The following LRBA variants were observed in gnomAD, a reference collection of about 807,000 sequenced individuals.
The protein encoded by LRBA is lipopolysaccharide-responsive and beige-like anchor protein.
Under a neutral mutation model 330.0 loss-of-function variants are expected in LRBA, and 176 were observed. The ratio of observed to expected loss-of-function variants is 0.53; its 90% CI spans 0.47 to 0.60. The LOEUF is 0.60. LRBA is among the 20% of genes least tolerant of loss of function. The probability of loss-of-function intolerance (pLI) is 0.00; values close to 1 mark genes in which losing one functional copy is unlikely to be tolerated. For missense variants in LRBA, 3,259 were observed against 3,444.8 expected (o/e 0.95, Z 1.35); for synonymous variants, 1,230 against 1,193.0 (o/e 1.03, Z -0.64).
In LRBA at chr4:150,808,804, G is replaced by A. The variant is rs75301201; in HGVS notation, c.5306-406C>T. Among the ~76,000 whole-genome samples the A allele has an allele frequency of 4.6e-3, 700 of 152,236 alleles. 6 individuals are homozygous for A. Among genetic ancestry groups the A allele is most frequent in the African/African-American group, 0.016 (667 of 41,538 alleles). On this transcript the variant is annotated intron_variant, in intron 31 of 56. Coordinates refer to ENST00000651943, the MANE Select transcript of LRBA (RefSeq NM_001364905.1). Reference sequence around the variant, plus strand: ...ACCTCCATTACCATGAAAACTATCCGTATTCAGTTATCAAATCACTACTAA... The same window carrying A: ...ACCTCCATTACCATGAAAACTATCCATATTCAGTTATCAAATCACTACTAA...
intron 47 of LRBA, among the ~76,000 whole-genome samples, chr4:150,380,636 G>A (rs1384779771): frequency 6.6e-6 from 1 of 151,968 alleles, no homozygotes; most frequent in Non-Finnish European, 1.5e-5. Context: ...AGGAAAAGAA[G>A]ATGTCTACTT....
intron 40 of LRBA, among the ~76,000 whole-genome samples, chr4:150,492,165 T>G (rs1262131466): frequency 2.7e-5 from 3 of 110,422 alleles, no homozygotes; most frequent in African/African-American, 8.0e-5. Flanking sequence ...GTGCAGAATG[T>G]AGTTTTTTTG....
At chr4:150,291,045 C>T (rs1247272668) in intron 53 of LRBA, among the ~76,000 whole-genome samples, 6 of 150,112 alleles carry the variant, frequency 4.0e-5, no homozygotes, top group Admixed American at 2.0e-4. Flanking sequence ...CATGCTGGTG[C>T]GCTGCACCCA....
At chr4:150,597,325 T>C (rs1773612121) in intron 38 of LRBA, among the ~76,000 whole-genome samples, 1 of 152,018 alleles carries the variant, frequency 6.6e-6, no homozygotes, top group Non-Finnish European at 1.5e-5. Flanking sequence ...TTAAAATTTA[T>C]TCATTAAAAA....
chr4:150,620,086 C>T lies in LRBA; in HGVS notation c.5922-20955G>A, dbSNP rs565582026. Among the ~76,000 whole-genome samples the T allele has an allele frequency of 6.6e-5, 10 of 152,122 alleles. No homozygotes were observed. In the South Asian group the frequency reaches 1.0e-3, roughly 16 times the overall value. ...ACATATTAAATACCTAGATTAAAAA[C>T]GTTAATGTTTCGTTAATGGATCAAA... On this transcript the variant is annotated intron_variant, in intron 37 of 56. Transcript: ENST00000651943.
chr4:150,607,479 G>A (rs984131449), intron 37 of LRBA, among the ~76,000 whole-genome samples: 2 of 151,508 alleles, frequency 1.3e-5, no homozygotes, highest in Non-Finnish European at 1.5e-5. Context: ...AATAAATACA[G>A]GTTAAACAGG....
chr4:150,678,418 G>C (rs1302792045), intron 37 of LRBA, among the ~76,000 whole-genome samples: 3 of 151,982 alleles, frequency 2.0e-5, no homozygotes, highest in African/African-American at 7.3e-5. Context: ...ATGCCTCTGT[G>C]GTAGAGACAG....
At position 150,599,150 on chromosome 4, in the gene LRBA, G is replaced by C; in HGVS notation, c.5922-19C>G. On this transcript the variant is annotated intron_variant, in intron 37 of 56. Transcript: ENST00000651943. ...AGGACGACTACAATGAAACAGAGAA[G>C]CCACATATGTTAGCAATTATCAAAC... is the stretch of plus-strand genomic sequence containing the variant. The C allele has an allele frequency of 6.2e-7, 1 of 1,612,860 alleles. No homozygotes were observed. The highest frequency in any genetic ancestry group is 8.5e-7 in the Non-Finnish European group (1 of 1,179,474).
chr4:150,270,339 G>A (rs62344507), intron 56 of LRBA, among the ~76,000 whole-genome samples: 5,192 of 152,256 alleles, frequency 0.034, 125 homozygotes, highest in Non-Finnish European at 0.056. Flanking sequence ...ACAGGTGAAC[G>A]ATAAACAGAA....
At chr4:150,567,265 C>G (rs76141746) in intron 40 of LRBA, among the ~76,000 whole-genome samples, 36 of 151,880 alleles carry the variant, frequency 2.4e-4, no homozygotes, top group African/African-American at 8.5e-4. Context: ...CTGATCATGT[C>G]GCAACATTTC....
At chr4:150,641,955 T>A (rs1032144025) in intron 37 of LRBA, among the ~76,000 whole-genome samples, 11 of 152,096 alleles carry the variant, frequency 7.2e-5, no homozygotes, top group Non-Finnish European at 1.5e-5. Context: ...GTATTTGCTA[T>A]CTAAACTTTA....
intron 28 of LRBA, chr4:150,840,803 C>A: frequency 2.0e-6 from 1 of 493,392 alleles, no homozygotes; most frequent in Non-Finnish European, 2.8e-6. Flanking sequence ...TGTAAAAAAT[C>A]CAGTAATCGG....
chr4:150,509,571 A>G (rs1450404117), intron 40 of LRBA, among the ~76,000 whole-genome samples: 41 of 149,762 alleles, frequency 2.7e-4, no homozygotes, highest in East Asian at 2.7e-3. Flanking sequence ...AGAAAACCAA[A>G]AAAAAAAAAG....
intron 36 of LRBA, among the ~76,000 whole-genome samples, chr4:150,698,209 A>C (rs1784808193): frequency 6.6e-6 from 1 of 152,202 alleles, no homozygotes; most frequent in South Asian, 2.1e-4. Context: ...TGTATAAAAT[A>C]CACTGTAAAG....
chr4:150,489,006 A>G (rs1758259655), intron 41 of LRBA, among the ~76,000 whole-genome samples: 1 of 119,170 alleles, frequency 8.4e-6, no homozygotes, highest in East Asian at 2.3e-4. Flanking sequence ...ATAAGAATAT[A>G]TAATATATTA....
chr4:151,009,290 G>T (rs937570104), intron 2 of LRBA, among the ~76,000 whole-genome samples: 1 of 151,786 alleles, frequency 6.6e-6, no homozygotes, highest in Non-Finnish European at 1.5e-5. Context: ...GCTCAAACTT[G>T]TAATCCCAGC....
chr4:150,641,293 GT>G (rs1379830689), intron 37 of LRBA, among the ~76,000 whole-genome samples: 1 of 151,992 alleles, frequency 6.6e-6, no homozygotes, highest in Admixed American at 6.6e-5. Context: ...TTTATCATTG[GT>G]TTTTCATATT....
intron 37 of LRBA, among the ~76,000 whole-genome samples, chr4:150,682,191 C>T (rs1452811166): frequency 6.6e-6 from 1 of 152,156 alleles, no homozygotes. Context: ...TATCCTAATT[C>T]ATTCAGTATC....
chr4:150,289,459 G>A (rs1317117881), intron 53 of LRBA, among the ~76,000 whole-genome samples: 3 of 151,804 alleles, frequency 2.0e-5, no homozygotes, highest in Non-Finnish European at 2.9e-5. Context: ...GAGAGAGAGA[G>A]AAAAAAAGAA....
Sources: allele counts gnomAD v4.1 joint callset (sites outside exome capture counted in the v4.1 genomes callset), GRCh38; gene constraint gnomAD v4.1.1; transcripts MANE v1.5; gene names NCBI Gene and HGNC (gene_info 2026-07-23, HGNC 2026-07-21).